Variants in KHDRBS3 observed in about 807,000 individuals in gnomAD.
KHDRBS3 encodes KH domain-containing, RNA-binding, signal transduction-associated protein 3.
A neutral mutation model predicts 45.6 loss-of-function variants in KHDRBS3; 23 were observed. That is an observed-to-expected ratio of 0.50 (90% CI 0.36 to 0.72). The LOEUF (loss-of-function observed/expected upper bound fraction) is 0.72. Among genes scored for constraint, KHDRBS3 ranks in the 30% least tolerant of loss-of-function variants. The pLI, the probability that KHDRBS3 is intolerant of heterozygous loss-of-function variation, is 0.00. For synonymous variants in KHDRBS3, 162 were observed against 156.5 expected, an observed-to-expected ratio of 1.04 and a Z score of -0.26; for missense variants, 352 against 424.8, an observed-to-expected ratio of 0.83 and a Z score of 1.51.
chr8:135,651,953 A>G (rs1275144472), downstream of KHDRBS3, among the ~76,000 whole-genome samples: 5 of 152,234 alleles, frequency 3.3e-5, no homozygotes, highest in Non-Finnish European at 7.3e-5. Flanking sequence ...TGGTCACTGT[A>G]TACAGAGACA....
chr8:135,646,237 G>T (rs1831283694), intron 8 of KHDRBS3, among the ~76,000 whole-genome samples: 1 of 152,052 alleles, frequency 6.6e-6, no homozygotes, highest in East Asian at 1.9e-4. Context: ...GATGTTAACT[G>T]TTTGATGTCC....
intron 1 of KHDRBS3, among the ~76,000 whole-genome samples, chr8:135,510,350 G>A (rs1396854593): frequency 6.6e-6 from 1 of 152,060 alleles, no homozygotes; most frequent in Non-Finnish European, 1.5e-5. Context: ...GGAGAGTGAG[G>A]GCAGAACTTT....
Position 135,557,601 on chromosome 8 carries a change from T to C in KHDRBS3, c.611+14T>C. On this transcript the variant is annotated intron_variant, in intron 5 of 8. Transcript: ENST00000355849. ...AGCAATAACCAGGTAGGTGTAAATT[T>C]TTTTTTAGGTTAACATACCGTGGCA... 1 of 1,602,410 alleles carries C rather than the reference T, an allele frequency of 6.2e-7. No homozygotes were observed.
rs79863089 is a variant in KHDRBS3 at position 135,624,085 on chromosome 8, A to G, written c.890+17048A>G. Among the ~76,000 whole-genome samples, 447 of 152,372 alleles carry G rather than the reference A, an allele frequency of 2.9e-3. 2 individuals are homozygous for G. Among genetic ancestry groups the G allele is most frequent in the Admixed American group, 3.4e-3 (52 of 15,312 alleles). ...ATTTTATCTCCAAAGAAACTAGTGT[A>G]CTGGCAAAGTATTCAGATTACAGTG... On this transcript the variant is annotated intron_variant, in intron 7 of 8. Coordinates refer to ENST00000355849, the MANE Select transcript of KHDRBS3 (RefSeq NM_006558.3).
At chr8:135,589,395 A>T (rs889796424) in intron 6 of KHDRBS3, among the ~76,000 whole-genome samples, 2 of 152,152 alleles carry the variant, frequency 1.3e-5, no homozygotes, top group African/African-American at 4.8e-5. Flanking sequence ...ACTCCTCTGC[A>T]TTGTGTTTAA....
At chr8:135,572,345 T>C (rs1356328021) in intron 5 of KHDRBS3, among the ~76,000 whole-genome samples, 1 of 152,232 alleles carries the variant, frequency 6.6e-6, no homozygotes, top group East Asian at 1.9e-4. Context: ...TTATACACTG[T>C]CTTATTTGTC....
intron 4 of KHDRBS3, among the ~76,000 whole-genome samples, chr8:135,551,116 T>G (rs943552210): frequency 6.6e-6 from 1 of 152,170 alleles, no homozygotes; most frequent in Non-Finnish European, 1.5e-5. Flanking sequence ...TCCAGTGTGG[T>G]GTTTTTTTAA....
At chr8:135,611,858 C>A (rs1032442748) in intron 7 of KHDRBS3, among the ~76,000 whole-genome samples, 3 of 151,826 alleles carry the variant, frequency 2.0e-5, no homozygotes, top group African/African-American at 7.3e-5. Flanking sequence ...AAGCACAACA[C>A]TGCATGTTTC....
At chr8:135,607,948 G>C (rs1477233210) in intron 7 of KHDRBS3, among the ~76,000 whole-genome samples, 1 of 152,080 alleles carries the variant, frequency 6.6e-6, no homozygotes, top group Non-Finnish European at 1.5e-5. Flanking sequence ...TCTATAACTT[G>C]TAAGTTTTGA....
chr8:135,501,569 TAGAGGA>T, intron 1 of KHDRBS3, among the ~76,000 whole-genome samples: 1 of 152,300 alleles, frequency 6.6e-6, no homozygotes, highest in African/African-American at 2.4e-5. Context: ...GAAGTAAGAT[TAGAGGA>T]AAAGAAACAT....
At chr8:135,521,749 C>T (rs536557411) in intron 2 of KHDRBS3, among the ~76,000 whole-genome samples, 3 of 152,028 alleles carry the variant, frequency 2.0e-5, no homozygotes, top group Non-Finnish European at 4.4e-5. Flanking sequence ...TTTCTTTTGT[C>T]TTCTGAATGT....
chr8:135,463,309 G>A (rs144077757), intron 1 of KHDRBS3, among the ~76,000 whole-genome samples: 1 of 152,276 alleles, frequency 6.6e-6, no homozygotes, highest in African/African-American at 2.4e-5. Context: ...TTGGAATTTA[G>A]CAGTCAGTAA....
intron 6 of KHDRBS3, among the ~76,000 whole-genome samples, chr8:135,585,588 A>T (rs925514939): frequency 6.6e-6 from 1 of 152,152 alleles, no homozygotes; most frequent in Non-Finnish European, 1.5e-5. Flanking sequence ...TGGTCACAAG[A>T]TGGTTTTTAA....
At chr8:135,639,715 T>A (rs888253650) in intron 7 of KHDRBS3, among the ~76,000 whole-genome samples, 1 of 152,228 alleles carries the variant, frequency 6.6e-6, no homozygotes, top group African/African-American at 2.4e-5. Flanking sequence ...CTGTTACTCA[T>A]GGCAGAAGGC....
rs75386888 is a variant in KHDRBS3 at position 135,545,600 on chromosome 8, C to T, written c.324+2830C>T. 4.4e-3 allele frequency among the ~76,000 whole-genome samples: 673 copies of T among 152,264 alleles called. 4 individuals are homozygous for T. Among genetic ancestry groups the T allele is most frequent in the Middle Eastern group, 0.01 (3 of 294 alleles). On this transcript the variant is annotated intron_variant, in intron 3 of 8. Transcript: ENST00000355849. ...GGCCCTGTCAACCTGTGGCTGCAAG[C>T]GGTGCACCCTAGCTTACTTCTGGCT... is the stretch of plus-strand genomic sequence containing the variant.
rs915246956 is a variant in KHDRBS3 at position 135,641,016 on chromosome 8, G to A, written c.891-4043G>A. ...CTCCCAGCTCCTCGGCTTGATGACA[G>A]TCTTGCAATAAATAATCAGAAACTG... is the stretch of plus-strand genomic sequence containing the variant. On this transcript the variant is annotated intron_variant, in intron 7 of 8. Transcript: ENST00000355849. Among the ~76,000 whole-genome samples the A allele has an allele frequency of 6.6e-5, 10 of 152,284 alleles. No individual in the cohort carries two copies. In the South Asian group the frequency reaches 2.1e-3, roughly 32 times the overall value.
chr8:135,469,774 G>A (rs1466951071), intron 1 of KHDRBS3, among the ~76,000 whole-genome samples: 3 of 152,042 alleles, frequency 2.0e-5, no homozygotes, highest in African/African-American at 7.2e-5. Flanking sequence ...TGATCCACCC[G>A]CCTTGGCCTC....
chr8:135,643,204 C>G (rs907779226), intron 7 of KHDRBS3, among the ~76,000 whole-genome samples: 5 of 152,138 alleles, frequency 3.3e-5, no homozygotes, highest in African/African-American at 1.2e-4. Flanking sequence ...TTTCTTCTGC[C>G]TGGAAGACCC....
At chr8:135,569,007 G>A (rs966717359) in intron 5 of KHDRBS3, among the ~76,000 whole-genome samples, 3 of 151,608 alleles carry the variant, frequency 2.0e-5, no homozygotes, top group South Asian at 2.1e-4. Context: ...GTTTTTATTC[G>A]TTTGTTTAAA....
Sources: allele counts gnomAD v4.1 joint callset (sites outside exome capture counted in the v4.1 genomes callset), GRCh38; gene constraint gnomAD v4.1.1; transcripts MANE v1.5; gene names NCBI Gene and HGNC (gene_info 2026-07-23, HGNC 2026-07-21).